The following MTF2 variants were observed in gnomAD, a reference collection of about 807,000 sequenced individuals.
MTF2 encodes metal response element binding transcription factor 2, also known as metal-response element-binding transcription factor 2.
In MTF2, 11 loss-of-function variants were observed where a neutral mutation model predicts 79.5. The ratio of observed to expected loss-of-function variants is 0.14; its 90% CI spans 0.09 to 0.23. The LOEUF is 0.23. MTF2 is among the 10% of genes least tolerant of loss of function. The pLI is 1.00. For synonymous variants in MTF2, 208 were observed against 232.8 expected, an observed-to-expected ratio of 0.89 and a Z score of 0.97; for missense variants, 486 against 711.2, an observed-to-expected ratio of 0.68 and a Z score of 3.60.
intron 1 of MTF2, among the ~76,000 whole-genome samples, chr1:93,101,568 GT>G (rs71586778): frequency 2.0e-3 from 50 of 25,376 alleles, no homozygotes; most frequent in Non-Finnish European, 2.5e-3. Context: ...GCTCAGGCTG[GT>G]TTTTTTTTTT....
intron 6 of MTF2, among the ~76,000 whole-genome samples, chr1:93,116,940 T>G (rs1320137358): frequency 6.6e-6 from 1 of 152,164 alleles, no homozygotes; most frequent in Non-Finnish European, 1.5e-5. Context: ...AAGTTTGCCA[T>G]CTTAGGTGGG....
intron 1 of MTF2, among the ~76,000 whole-genome samples, chr1:93,089,296 T>C (rs1654975430): frequency 6.6e-6 from 1 of 152,192 alleles, no homozygotes; most frequent in Non-Finnish European, 1.5e-5. Context: ...TAATAGAATA[T>C]GTGCTTTTAT....
Position 93,136,671 on chromosome 1 carries a change from T to G in MTF2, c.1426T>G (p.Leu476Val). 1 of 1,611,806 alleles carries G rather than the reference T, an allele frequency of 6.2e-7. No homozygotes were observed. Among genetic ancestry groups the G allele is most frequent in the Non-Finnish European group, 8.5e-7 (1 of 1,178,964 alleles). ...ATTCTGGCCTTCTCTGTTACATAGA[T>G]TATCTGACTCCAGAAAAAGAACGCG... Reference protein sequence around the residue: ...TSSSISRHYGLSDSRKRTRTG... With the variant: ...TSSSISRHYGVSDSRKRTRTG... Residue 476 changes from leucine to valine, a missense_variant and splice_region_variant, in exon 15 of 15, where the codon TTA becomes GTA. Leu to Val is a conservative substitution (Grantham distance 32). Coordinates refer to ENST00000370298, the MANE Select transcript of MTF2 (RefSeq NM_007358.4).
chr1:93,082,845 C>T (rs1368997043), intron 1 of MTF2, among the ~76,000 whole-genome samples: 1 of 152,106 alleles, frequency 6.6e-6, no homozygotes, highest in Non-Finnish European at 1.5e-5. Flanking sequence ...AAATCTTAAT[C>T]CATTAACAGT....
chr1:93,114,618 G>A (rs1381270319), intron 3 of MTF2, 70 bp from the exon 4 acceptor site: 1 of 1,141,748 alleles, frequency 8.8e-7, no homozygotes, highest in Non-Finnish European at 1.3e-6. Context: ...TGCTCACTGA[G>A]TCATAAAAGT....
rs2295423 is a variant in MTF2 at position 93,115,467 on chromosome 1, T to C, written c.484-3T>C. ...CTTTCACATTTTTTTCCCTCTAATG[T>C]AGAGGGGTGGTGCACTTAAGAAAGG... On this transcript the variant is annotated splice_polypyrimidine_tract_variant and splice_region_variant and intron_variant, in intron 5 of 14. Coordinates refer to ENST00000370298, the MANE Select transcript of MTF2 (RefSeq NM_007358.4). The C allele has an allele frequency of 0.6, 949,077 of 1,573,406 alleles. 295,527 individuals are homozygous for C. Among genetic ancestry groups the C allele is most frequent in the South Asian group, 0.67 (56,920 of 84,902 alleles).
At chr1:93,084,284 A>G (rs1255650500) in intron 1 of MTF2, among the ~76,000 whole-genome samples, 2 of 152,216 alleles carry the variant, frequency 1.3e-5, no homozygotes, top group Non-Finnish European at 2.9e-5. Flanking sequence ...AATCTTGTCA[A>G]AAATAAATTA....
At chr1:93,104,533 G>T (rs1300177551) in intron 1 of MTF2, among the ~76,000 whole-genome samples, 1 of 151,634 alleles carries the variant, frequency 6.6e-6, no homozygotes, top group Non-Finnish European at 1.5e-5. Flanking sequence ...ACAAAAATTA[G>T]CTGGGCGTGG....
intron 10 of MTF2, chr1:93,129,028 T>C (rs1316159683): frequency 6.8e-6 from 2 of 295,738 alleles, no homozygotes; most frequent in African/African-American, 4.3e-5. Flanking sequence ...AAAAAGTTAG[T>C]TGCCATGTTT....
chr1:93,132,199 A>C (rs1199933340), intron 11 of MTF2, among the ~76,000 whole-genome samples: 1 of 152,236 alleles, frequency 6.6e-6, no homozygotes, highest in Non-Finnish European at 1.5e-5. Context: ...ATGTCATTAC[A>C]AAGCCTTGAC....
In MTF2 at chr1:93,118,393, T is replaced by G; in HGVS notation, c.681T>G (p.His227Gln). 6.2e-7 allele frequency: 1 copy of G among 1,605,452 alleles called. No individual in the cohort carries two copies. The highest frequency in any genetic ancestry group is 8.5e-7 in the Non-Finnish European group (1 of 1,175,270). Reference protein sequence around the residue: ...LQCCKCKQWFHEACVQCLQKP... With the variant: ...LQCCKCKQWFQEACVQCLQKP... Reference sequence around the variant, plus strand: ...GCTGCAAATGTAAGCAGTGGTTTCATGAGGCTTGTGTGCAATGCCTTCAAA... The same window carrying G: ...GCTGCAAATGTAAGCAGTGGTTTCAGGAGGCTTGTGTGCAATGCCTTCAAA... Residue 227 changes from histidine (H) to glutamine (Q), a missense_variant, in exon 7 of 15, where the codon CAT (histidine) becomes CAG (glutamine). This residue lies in a region of MTF2 where 177 missense variants were observed against 364.0 expected (regional missense o/e 0.49). Coordinates refer to ENST00000370298, the MANE Select transcript of MTF2 (RefSeq NM_007358.4).
intron 3 of MTF2, among the ~76,000 whole-genome samples, chr1:93,111,979 G>A (rs1358684987): frequency 6.6e-6 from 1 of 152,010 alleles, no homozygotes; most frequent in African/African-American, 2.4e-5. Flanking sequence ...CTGTCCTTTT[G>A]TCTACTTCCT....
At chr1:93,102,707 C>T (rs1655596133) in intron 1 of MTF2, among the ~76,000 whole-genome samples, 1 of 151,916 alleles carries the variant, frequency 6.6e-6, no homozygotes, top group Admixed American at 6.6e-5. Context: ...TAATTCTTCC[C>T]GTTGGTGAAG....
intron 1 of MTF2, among the ~76,000 whole-genome samples, chr1:93,095,383 G>A (rs774196441): frequency 6.6e-6 from 1 of 151,916 alleles, no homozygotes; most frequent in Non-Finnish European, 1.5e-5. Flanking sequence ...TCTTGTCGCC[G>A]AAGCTGGAGT....
At chr1:93,125,277 T>C (rs1656647091) in intron 9 of MTF2, among the ~76,000 whole-genome samples, 2 of 151,026 alleles carry the variant, frequency 1.3e-5, no homozygotes, top group African/African-American at 2.4e-5. Context: ...TTTTTTGATA[T>C]GATTAGCAAC....
intron 9 of MTF2, chr1:93,121,036 T>G: frequency 2.9e-6 from 3 of 1,027,042 alleles, no homozygotes; most frequent in Non-Finnish European, 3.5e-6. Context: ...CTTAGAGATA[T>G]AACCAACATT....
chr1:93,105,769 G>A (rs893420365), intron 1 of MTF2, among the ~76,000 whole-genome samples: 3 of 151,982 alleles, frequency 2.0e-5, no homozygotes, highest in East Asian at 3.9e-4. Context: ...TCCACCTCCC[G>A]GGTTCAAGCA....
chr1:93,119,307 CTT>C (rs1656375285), intron 7 of MTF2, 24 bp from the exon 8 acceptor site: 2 of 1,404,488 alleles, frequency 1.4e-6, no homozygotes, highest in South Asian at 1.3e-5. Flanking sequence ...CAGTATAAAA[CTT>C]TTTCTTTTTT....
At position 93,121,792 on chromosome 1, in the gene MTF2, ATTTTT is replaced by A; in HGVS notation, c.921+1142_921+1146del. On this transcript the variant is annotated intron_variant, in intron 9 of 14. Transcript: ENST00000370298. Reference sequence around the variant, plus strand: ...AGAAAGTGAGTGATGTGTACATTTGATTTTTTTTTTTTTTTTTTTTTTTTTTGGAG... The same window carrying A: ...AGAAAGTGAGTGATGTGTACATTTGATTTTTTTTTTTTTTTTTTTTTGGAG... 4.0e-4 allele frequency: 283 copies of A among 702,804 alleles called. No individual in the cohort carries two copies. The African/African-American group carries it at 4.2e-3, about 11-fold the overall frequency. The allele number at this position is 702,804 out of a possible 1,614,324, so 43.5% of individuals were successfully genotyped here.
Sources: allele counts gnomAD v4.1 joint callset (sites outside exome capture counted in the v4.1 genomes callset), GRCh38; gene constraint gnomAD v4.1.1; regional missense constraint gnomAD v4.1.1; transcripts MANE v1.5; gene names NCBI Gene and HGNC (gene_info 2026-07-23, HGNC 2026-07-21).